Variants in BIN1 observed in about 807,000 individuals in gnomAD.
The protein encoded by BIN1 is bridging integrator 1, also known as myc box-dependent-interacting protein 1.
A neutral mutation model predicts 82.0 loss-of-function variants in BIN1; 53 were observed. The observed-to-expected ratio is 0.65, with a 90% CI of 0.52 to 0.81. The LOEUF (loss-of-function observed/expected upper bound fraction) is 0.81. Among genes scored for constraint, BIN1 ranks in the 40% least tolerant of loss-of-function variants. The pLI, the probability that BIN1 is intolerant of heterozygous loss-of-function variation, is 0.00. For synonymous variants in BIN1, 302 were observed against 328.0 expected, an observed-to-expected ratio of 0.92 and a Z score of 0.86; for missense variants, 642 against 784.4, an observed-to-expected ratio of 0.82 and a Z score of 2.17.
At chr2:127,106,487 T>C (rs1681147335) in intron 1 of BIN1, among the ~76,000 whole-genome samples, 1 of 152,144 alleles carries the variant, frequency 6.6e-6, no homozygotes, top group Non-Finnish European at 1.5e-5. Flanking sequence ...CCTGGAGAGC[T>C]GAGGGTCACC....
At chr2:127,055,127 T>C (rs2104910980) in intron 12 of BIN1, 1 of 142,394 alleles carries the variant, frequency 7.0e-6, no homozygotes, top group Admixed American at 6.9e-5. Flanking sequence ...GCCAGCGGCT[T>C]CCCGGCTCTA....
chr2:127,052,483 G>A, intron 14 of BIN1, 121 bp from the exon 15 acceptor site: 1 of 938,814 alleles, frequency 1.1e-6, no homozygotes, highest in Non-Finnish European at 1.6e-6. Context: ...TGGGGGCAGG[G>A]TGGGTACCAG....
At chr2:127,078,330 G>A (rs1465297788) in intron 1 of BIN1, among the ~76,000 whole-genome samples, 1 of 152,226 alleles carries the variant, frequency 6.6e-6, no homozygotes, top group Non-Finnish European at 1.5e-5. Flanking sequence ...TGACATGGGG[G>A]AACACTTAAG....
chr2:127,066,205 TCTCCAGC>T (rs1573622781), intron 7 of BIN1, among the ~76,000 whole-genome samples: 2 of 152,176 alleles, frequency 1.3e-5, no homozygotes, highest in East Asian at 3.9e-4. Context: ...CTCCAAAGGC[TCTCCAGC>T]CTCCAGCCAG....
At chr2:127,054,817 G>C (rs1319240920) in intron 12 of BIN1, 1 of 152,258 alleles carries the variant, frequency 6.6e-6, no homozygotes, top group Non-Finnish European at 1.5e-5. Context: ...GGCCACACAG[G>C]GACAAGCCTC....
intron 18 of BIN1, among the ~76,000 whole-genome samples, chr2:127,049,250 C>T (rs1682567479): frequency 9.4e-6 from 1 of 106,180 alleles, no homozygotes; most frequent in Non-Finnish European, 2.3e-5. Flanking sequence ...TACTCATGCC[C>T]TATCTGAGCC....
intron 2 of BIN1, among the ~76,000 whole-genome samples, chr2:127,072,390 GA>G (rs1357999709): frequency 6.6e-6 from 1 of 152,204 alleles, no homozygotes; most frequent in Non-Finnish European, 1.5e-5. Flanking sequence ...CAAAGAAGCG[GA>G]CAGAGGGTCA....
Position 127,093,244 on chromosome 2 carries a change from G to A in BIN1, c.84+13616C>T, listed in dbSNP as rs186745828. On this transcript the variant is annotated intron_variant, in intron 1 of 18. Transcript: ENST00000316724. The surrounding 1 kb of genome is among the most constrained non-coding windows in gnomAD (Gnocchi z 5.7). ...GGCTCACTGCAGACTCTGAACAAAG[G>A]GCATGTGAAAGGCCTCAGAGGTAAG... Among the ~76,000 whole-genome samples the A allele has an allele frequency of 1.1e-3, 175 of 152,272 alleles. 1 individual carries two copies. The highest frequency in any genetic ancestry group is 4.0e-3 in the African/African-American group (167 of 41,558).
intron 10 of BIN1, among the ~76,000 whole-genome samples, chr2:127,060,843 C>T (rs1418609269): frequency 6.6e-6 from 1 of 152,152 alleles, no homozygotes; most frequent in Non-Finnish European, 1.5e-5. Flanking sequence ...GCCAGGTGCC[C>T]GAGGTGATGC....
At chr2:127,078,639 G>A (rs1218852296) in intron 1 of BIN1, among the ~76,000 whole-genome samples, 1 of 152,138 alleles carries the variant, frequency 6.6e-6, no homozygotes, top group East Asian at 1.9e-4. Flanking sequence ...GATGCCAAGG[G>A]CTGACACAGG....
chr2:127,073,131 G>A (rs1471116667), intron 2 of BIN1, among the ~76,000 whole-genome samples: 8 of 152,218 alleles, frequency 5.3e-5, no homozygotes, highest in African/African-American at 1.2e-4. Context: ...GCTGTGCGCC[G>A]GCACGTGGCA....
Position 127,068,289 on chromosome 2 carries a change from A to C in BIN1, c.520-34T>G, listed in dbSNP as rs767350172. On this transcript the variant is annotated intron_variant, in intron 6 of 18. Coordinates refer to ENST00000316724, the MANE Select transcript of BIN1 (RefSeq NM_139343.3). This position sits in a 1 kb window ranked among gnomAD's most constrained non-coding sequence, Gnocchi z 4.9. Reference sequence around the variant, plus strand: ...GGGAGGTCAAGGCAAAGGAAGGTGGAGAGACCAGGGAGGTGGGGAGAGAGA... The same window carrying C: ...GGGAGGTCAAGGCAAAGGAAGGTGGCGAGACCAGGGAGGTGGGGAGAGAGA... The C allele has an allele frequency of 5.1e-6, 8 of 1,564,378 alleles. No homozygotes were observed. The highest frequency in any genetic ancestry group is 6.1e-6 in the Non-Finnish European group (7 of 1,143,340).
chr2:127,065,361 C>A (rs952506946), intron 7 of BIN1, among the ~76,000 whole-genome samples: 1 of 152,108 alleles, frequency 6.6e-6, no homozygotes, highest in Non-Finnish European at 1.5e-5. Context: ...GATCCAGGGA[C>A]CCTGGGCACC....
intron 1 of BIN1, among the ~76,000 whole-genome samples, chr2:127,078,467 A>T (rs1044456437): frequency 1.3e-5 from 2 of 152,182 alleles, no homozygotes; most frequent in Non-Finnish European, 2.9e-5. Context: ...AAGATGGAGC[A>T]TCTTACTGGG....
intron 1 of BIN1, among the ~76,000 whole-genome samples, chr2:127,081,129 C>A (rs1196406643): frequency 6.6e-6 from 1 of 152,212 alleles, no homozygotes; most frequent in Non-Finnish European, 1.5e-5. Context: ...AAGGCCCTGA[C>A]CCACAGCGTG....
In BIN1 at chr2:127,059,090, G is replaced by A; in HGVS notation, c.923C>T (p.Pro308Leu). 1.3e-6 allele frequency: 2 copies of A among 1,593,290 alleles called. No individual in the cohort carries two copies. The highest frequency in any genetic ancestry group is 1.7e-6 in the Non-Finnish European group (2 of 1,170,980). Residue 308 changes from proline to leucine, a missense_variant, in exon 11 of 19, where the codon CCC (proline) becomes CTC (leucine). Transcript: ENST00000316724. This position sits in a 1 kb window ranked among gnomAD's most constrained non-coding sequence, Gnocchi z 6.7. ...SPPDGSPAAT[P>L]EIRVNHEPEP... is the part of the protein sequence containing the mutation. ...TGGCTCGTGGTTGACTCTGATCTCG[G>A]GGGTGGCGGCAGGGGAGCCATCTGG...
chr2:127,048,562 G>T lies in BIN1; in HGVS notation c.1746C>A (p.Gly582=). Residue 582 remains glycine, a synonymous_variant, in exon 19 of 19, where the codon GGC becomes GGA. Transcript: ENST00000316724. ...NQHKELEKCR[G]VFPENFTERV... is the part of the protein sequence containing the mutation. The stretch of plus-strand genomic sequence containing the variant: ...TCTCAGTGAAGTTCTCGGGGAAGAC[G>T]CCACGGCACTTCTCCAGCTCCTTGT... 1 of 1,613,478 alleles carries T rather than the reference G, an allele frequency of 6.2e-7. No homozygotes were observed. The highest frequency in any genetic ancestry group is 8.5e-7 in the Non-Finnish European group (1 of 1,179,904).
At chr2:127,106,219 C>G (rs988753427) in intron 1 of BIN1, among the ~76,000 whole-genome samples, 1 of 152,100 alleles carries the variant, frequency 6.6e-6, no homozygotes, top group Non-Finnish European at 1.5e-5. Flanking sequence ...CACCTCCTTG[C>G]GGGGTGCGTA....
chr2:127,106,724 G>A lies in BIN1; in HGVS notation c.84+136C>T, dbSNP rs1681184675. The A allele has an allele frequency of 5.4e-6, 6 of 1,115,852 alleles. No individual in the cohort carries two copies. The South Asian group carries it at 7.8e-5, about 15-fold the overall frequency. The allele number at this position is 1,115,852 out of a possible 1,614,324, so 69.1% of individuals were successfully genotyped here. ...CAGCCTGGGGACCTCGAAGCCCCTCGAAAGCGCTCCTCTAGAGGTGACAGC... is the reference window on the plus strand; with the variant it reads ...CAGCCTGGGGACCTCGAAGCCCCTCAAAAGCGCTCCTCTAGAGGTGACAGC... On this transcript the variant is annotated intron_variant, in intron 1 of 18. Coordinates refer to ENST00000316724, the MANE Select transcript of BIN1 (RefSeq NM_139343.3).
Sources: gnomAD v4.1 joint callset for allele counts (sites outside exome capture counted in the v4.1 genomes callset) on GRCh38, gnomAD v4.1.1 for gene constraint, Gnocchi (gnomAD v3.1) non-coding constraint, MANE v1.5 for transcripts, NCBI Gene and HGNC (gene_info 2026-07-23, HGNC 2026-07-21) for gene names.